The following NPHP4 variants were observed in gnomAD, a reference collection of about 807,000 sequenced individuals.
NPHP4 encodes the protein nephrocystin 4.
NPHP4 carries 151 observed loss-of-function variants against 155.8 expected under a neutral mutation model. That is an observed-to-expected ratio of 0.97 (90% confidence interval 0.85 to 1.11). The LOEUF (loss-of-function observed/expected upper bound fraction) is 1.11. Ranked by LOEUF, NPHP4 falls within the 50% of genes least tolerant of loss-of-function variation. NPHP4 has a pLI of 0.00. For synonymous variants in NPHP4, 845 were observed against 816.8 expected (o/e 1.03, Z -0.59); for missense variants, 1,956 against 1,925.7 (o/e 1.02, Z -0.29).
At position 5,904,739 on chromosome 1, in the gene NPHP4, C is replaced by T. The variant is rs375416303; in HGVS notation, c.2021G>A (p.Arg674His). The T allele has an allele frequency of 4.6e-5, 75 of 1,613,966 alleles. No homozygotes were observed. The Middle Eastern group carries it at 6.6e-4, about 14-fold the overall frequency. Reference sequence around the variant, plus strand: ...TCGTGGCGTCGTTGCGGGTGGGAAGCGGTAGAACTGGAAGGTGAAATACAC... The same window carrying T: ...TCGTGGCGTCGTTGCGGGTGGGAAGTGGTAGAACTGGAAGGTGAAATACAC... Reference protein sequence around the residue: ...KTVYFTFQFYRFPPATTPRLQ... With the variant: ...KTVYFTFQFYHFPPATTPRLQ... The change falls in exon 16 of 30, where the codon CGC becomes CAC. Residue 674 changes from arginine (R) to histidine (H), a missense_variant. Arg to His is a conservative substitution (Grantham distance 29). Transcript: ENST00000378156.
At chr1:5,974,406 G>A (rs551405866) in intron 3 of NPHP4, among the ~76,000 whole-genome samples, 31 of 152,220 alleles carry the variant, frequency 2.0e-4, no homozygotes, top group African/African-American at 6.3e-4. Flanking sequence ...ACACTACACC[G>A]GCCACACACA....
chr1:5,888,295 G>GC, intron 17 of NPHP4: 1 of 976,672 alleles, frequency 1.0e-6, no homozygotes, highest in Non-Finnish European at 1.2e-6. Context: ...CGGCCTCACG[G>GC]CTGTGCCCCA....
At chr1:5,934,715 C>T (rs1263888147) in intron 9 of NPHP4, among the ~76,000 whole-genome samples, 2 of 152,206 alleles carry the variant, frequency 1.3e-5, no homozygotes, top group Admixed American at 6.5e-5. Flanking sequence ...GCCATGGTCA[C>T]AGCGAGGAGG....
At chr1:5,967,567 C>T in intron 4 of NPHP4, among the ~76,000 whole-genome samples, 1 of 152,208 alleles carries the variant, frequency 6.6e-6, no homozygotes, top group East Asian at 1.9e-4. Context: ...CTGGCACACA[C>T]GCAGCCCCAA....
At chr1:5,963,912 T>C (rs1401439066) in intron 5 of NPHP4, among the ~76,000 whole-genome samples, 1 of 152,192 alleles carries the variant, frequency 6.6e-6, no homozygotes. Context: ...GGTCTCGAAC[T>C]CCTGATCTCA....
intron 27 of NPHP4, chr1:5,864,813 C>A (rs114586012): frequency 3.3e-5 from 18 of 540,392 alleles, no homozygotes; most frequent in African/African-American, 3.0e-4. Flanking sequence ...GGGCCGCCCT[C>A]CCACCCCGTC....
chr1:5,953,338 T>C (rs866242186), intron 6 of NPHP4, among the ~76,000 whole-genome samples: 19 of 152,256 alleles, frequency 1.2e-4, no homozygotes, highest in South Asian at 1.2e-3. Flanking sequence ...ACTCCTAACC[T>C]TGTGATCCGC....
At chr1:5,946,105 A>C (rs764414441) in intron 9 of NPHP4, among the ~76,000 whole-genome samples, 4 of 152,254 alleles carry the variant, frequency 2.6e-5, no homozygotes, top group Non-Finnish European at 4.4e-5. Context: ...ATGTATATGC[A>C]GGACAAAACC....
intron 1 of NPHP4, among the ~76,000 whole-genome samples, chr1:5,991,768 G>A (rs1476833927): frequency 6.6e-6 from 1 of 151,936 alleles, no homozygotes; most frequent in Non-Finnish European, 1.5e-5. Flanking sequence ...AGCCGGAGCT[G>A]GAGCCGGGGG....
chr1:5,975,858 C>T lies in NPHP4; in HGVS notation c.279+2412G>A, dbSNP rs530451975. On this transcript the variant is annotated intron_variant, in intron 3 of 29. Transcript: ENST00000378156. The stretch of plus-strand genomic sequence containing the variant: ...GGCATCCATTCCAAAGATCGTCCTA[C>T]CATGTGACTGGAATTCTACAGGGAT... 5.3e-5 allele frequency among the ~76,000 whole-genome samples: 8 copies of T among 152,320 alleles called. No individual in the cohort carries two copies. The South Asian group carries it at 1.0e-3, about 20-fold the overall frequency.
chr1:5,939,507 A>G (rs1411857326), intron 9 of NPHP4, among the ~76,000 whole-genome samples: 3 of 152,204 alleles, frequency 2.0e-5, no homozygotes, highest in Non-Finnish European at 4.4e-5. Flanking sequence ...ATCTGAGCCT[A>G]GTCTGAGGCC....
rs369290528 is a variant in NPHP4, at chr1:5,986,313, G to C, written c.-24C>G. On this transcript the variant is annotated 5_prime_UTR_variant, in exon 2 of 30. Coordinates refer to ENST00000378156, the MANE Select transcript of NPHP4 (RefSeq NM_015102.5). ...ATCCTGCCCGCCTGAGGGTCCCGTG[G>C]GCTTCCCGGATGATCTGTGCCAGTC... The C allele has an allele frequency of 1.2e-6, 2 of 1,612,848 alleles. No homozygotes were observed. The highest frequency in any genetic ancestry group is 1.7e-6 in the Non-Finnish European group (2 of 1,179,342).
chr1:5,990,654 A>G (rs1656106182), intron 1 of NPHP4, among the ~76,000 whole-genome samples: 1 of 152,170 alleles, frequency 6.6e-6, no homozygotes, highest in Admixed American at 6.5e-5. Context: ...ACTAGCTATT[A>G]TAATAGTATT....
intron 4 of NPHP4, among the ~76,000 whole-genome samples, chr1:5,968,552 T>A (rs553959): frequency 6.6e-6 from 1 of 151,818 alleles, no homozygotes; most frequent in Non-Finnish European, 1.5e-5. Context: ...AGTGAGCCAA[T>A]GTTGCACCAC....
intron 5 of NPHP4, among the ~76,000 whole-genome samples, chr1:5,964,736 T>A (rs1194145150): frequency 6.6e-6 from 1 of 150,898 alleles, no homozygotes; most frequent in Admixed American, 6.6e-5. Context: ...CGACACAAAG[T>A]GGGAAAAGAA....
intron 3 of NPHP4, among the ~76,000 whole-genome samples, chr1:5,969,912 G>A (rs932759641): frequency 2.6e-5 from 4 of 152,120 alleles, no homozygotes; most frequent in East Asian, 1.9e-4. Context: ...TTTTTATGCC[G>A]AAAATCACCT....
At chr1:5,967,169 C>CCT in intron 5 of NPHP4, 130 bp downstream of exon 5, 2 of 728,680 alleles carry the variant, frequency 2.7e-6, no homozygotes, top group East Asian at 5.5e-5. Context: ...TCTGCCAAAA[C>CCT]CTCTTAGATA....
chr1:5,873,160 C>A, intron 23 of NPHP4, 92 bp downstream of exon 23: 2 of 1,156,526 alleles, frequency 1.7e-6, no homozygotes, highest in Non-Finnish European at 2.6e-6. Flanking sequence ...CCCCAGCCCT[C>A]CCCTCCAGGA....
chr1:5,925,102 C>CTG (rs2101634787), intron 11 of NPHP4, among the ~76,000 whole-genome samples: 1 of 152,342 alleles, frequency 6.6e-6, no homozygotes, highest in East Asian at 1.9e-4. Context: ...TACTGTACTT[C>CTG]TAAGTAACTT....
Sources: gnomAD v4.1 joint callset for allele counts (sites outside exome capture counted in the v4.1 genomes callset) on GRCh38, gnomAD v4.1.1 for gene constraint, MANE v1.5 for transcripts, NCBI Gene and HGNC (gene_info 2026-07-23, HGNC 2026-07-21) for gene names.